The following STRADB variants were observed in gnomAD, a reference collection of about 807,000 sequenced individuals.
The protein encoded by STRADB is STE20 related adaptor beta, also known as STE20-related kinase adapter protein beta.
A neutral mutation model predicts 52.1 loss-of-function variants in STRADB; 34 were observed. The ratio of observed to expected loss-of-function variants is 0.65; its 90% CI spans 0.50 to 0.87. STRADB has a LOEUF of 0.87. Among genes scored for constraint, STRADB ranks in the 40% least tolerant of loss-of-function variants. The pLI, the probability that STRADB is intolerant of heterozygous loss-of-function variation, is 0.00. For synonymous variants in STRADB, 133 were observed against 174.5 expected, an observed-to-expected ratio of 0.76 and a Z score of 1.87; for missense variants, 340 against 483.9, an observed-to-expected ratio of 0.70 and a Z score of 2.79.
chr2:201,464,184 A>G (rs1031880955), intron 3 of STRADB, among the ~76,000 whole-genome samples: 3 of 152,222 alleles, frequency 2.0e-5, no homozygotes, highest in Non-Finnish European at 4.4e-5. Flanking sequence ...CGTATTTATC[A>G]TAGTCTTTGA....
chr2:201,457,749 G>A (rs1952148382), intron 2 of STRADB, among the ~76,000 whole-genome samples: 1 of 152,170 alleles, frequency 6.6e-6, no homozygotes, highest in African/African-American at 2.4e-5. Context: ...AATGGCTGTG[G>A]TGGCTCACGC....
chr2:201,464,390 T>C (rs1952265834), intron 3 of STRADB, among the ~76,000 whole-genome samples: 1 of 152,156 alleles, frequency 6.6e-6, no homozygotes, highest in African/African-American at 2.4e-5. Flanking sequence ...CTGAGAGAAT[T>C]ACCTGGATTA....
chr2:201,475,215 G>A (rs1437961574), intron 6 of STRADB, among the ~76,000 whole-genome samples: 2 of 151,906 alleles, frequency 1.3e-5, no homozygotes, highest in East Asian at 1.9e-4. Flanking sequence ...TTTTATTTGT[G>A]GTGTCCCCAG....
At chr2:201,454,178 G>C (rs1388175883) in intron 1 of STRADB, among the ~76,000 whole-genome samples, 1 of 152,180 alleles carries the variant, frequency 6.6e-6, no homozygotes, top group African/African-American at 2.4e-5. Context: ...CGTGGATGGT[G>C]CTTTTGTATC....
chr2:201,478,265 C>T, intron 9 of STRADB, 74 bp downstream of exon 9: 1 of 1,589,670 alleles, frequency 6.3e-7, no homozygotes, highest in Admixed American at 1.8e-5. Flanking sequence ...TTCTGTTAAA[C>T]ATGTTTGCTA....
At chr2:201,458,074 A>G (rs190708638) in intron 2 of STRADB, among the ~76,000 whole-genome samples, 219 of 152,318 alleles carry the variant, frequency 1.4e-3, no homozygotes, top group Non-Finnish European at 1.5e-3. Context: ...TCTTGTTATA[A>G]AAGCCTCTCA....
At chr2:201,460,915 T>G (rs1398981975) in intron 3 of STRADB, 2 of 155,740 alleles carry the variant, frequency 1.3e-5, no homozygotes, top group African/African-American at 4.8e-5. Context: ...GGTAGTTTTT[T>G]TTTTTTTTTT....
intron 2 of STRADB, among the ~76,000 whole-genome samples, 162 bp downstream of exon 2, chr2:201,455,014 T>A (rs903292741): frequency 6.6e-6 from 1 of 152,228 alleles, no homozygotes; most frequent in Non-Finnish European, 1.5e-5. Flanking sequence ...TACATTCTCA[T>A]TGAGTTTTTC....
intron 6 of STRADB, 115 bp from the exon 7 acceptor site, chr2:201,475,504 A>C (rs1952458269): frequency 2.4e-6 from 3 of 1,230,880 alleles, no homozygotes; most frequent in Non-Finnish European, 3.5e-6. Context: ...TGTTTGGGTT[A>C]GACTCCAAAA....
rs536962713 is a variant in STRADB at position 201,458,955 on chromosome 2, A to G, written c.93+91A>G. 3 of 1,100,096 alleles carry G rather than the reference A, an allele frequency of 2.7e-6. No homozygotes were observed. The South Asian group carries it at 4.1e-5, about 15-fold the overall frequency. 68.1% of individuals were successfully genotyped at this position (1,100,096 alleles called of 1,614,324 possible). ...GGCAGGAGAATCACTTGAGCCTAGG[A>G]GTTCGAGACCAGCCTGGGCAACATA... On this transcript the variant is annotated intron_variant, in intron 3 of 11. Transcript: ENST00000194530.
intron 2 of STRADB, among the ~76,000 whole-genome samples, chr2:201,457,890 G>C (rs1367452165): frequency 6.6e-6 from 1 of 152,128 alleles, no homozygotes; most frequent in Non-Finnish European, 1.5e-5. Flanking sequence ...GGGGCGTGGT[G>C]GCAGGTGCCT....
At position 201,479,515 on chromosome 2, in the gene STRADB, A is replaced by G; in HGVS notation, c.1097A>G (p.His366Arg). 1 of 1,603,212 alleles carries G rather than the reference A, an allele frequency of 6.2e-7. No individual in the cohort carries two copies. Among genetic ancestry groups the G allele is most frequent in the Non-Finnish European group, 8.5e-7 (1 of 1,177,694 alleles). Reference sequence around the variant, plus strand: ...CCATCAGCAAGCAGTTTATTGTCCCATGTTTTCTTCAAACAGGTGAGCTGA... The same window carrying G: ...CCATCAGCAAGCAGTTTATTGTCCCGTGTTTTCTTCAAACAGGTGAGCTGA... ...KRPSASSLLS[H>R]VFFKQMKEES... is the part of the protein sequence containing the mutation. The change falls in exon 11 of 12, where the codon CAT becomes CGT. Residue 366 changes from histidine to arginine, a missense_variant. His to Arg is a conservative substitution (Grantham distance 29). Transcript: ENST00000194530.
chr2:201,460,891 T>TC (rs1952204166), intron 3 of STRADB: 1 of 167,006 alleles, frequency 6.0e-6, no homozygotes, highest in African/African-American at 2.4e-5. Flanking sequence ...ATCAGTGGGA[T>TC]CGCTGGATCA....
chr2:201,472,762 C>G (rs919062606), intron 4 of STRADB, 193 bp from the exon 5 acceptor site: 1 of 427,612 alleles, frequency 2.3e-6, no homozygotes, highest in Admixed American at 4.2e-5. Flanking sequence ...TTGTGGATTG[C>G]CTGTTTAATC....
Position 201,451,793 on chromosome 2 carries a change from T to TCGCGGCCTCGCCGCCCTCC in STRADB, c.-236_-218dup, listed in dbSNP as rs1952044493. ...CAGAGTTCCAAGCCCACGGCCCCGGTCGCGGCCTCGCCGCCCTCCCGCGCC... is the reference window on the plus strand; with the variant it reads ...CAGAGTTCCAAGCCCACGGCCCCGGTCGCGGCCTCGCCGCCCTCCCGCGGCCTCGCCGCCCTCCCGCGCC... On this transcript the variant is annotated 5_prime_UTR_variant, in exon 1 of 12. Coordinates refer to ENST00000194530, the MANE Select transcript of STRADB (RefSeq NM_018571.6). 6.6e-6 allele frequency: 1 copy of TCGCGGCCTCGCCGCCCTCC among 151,592 alleles called. No homozygotes were observed. Among genetic ancestry groups the TCGCGGCCTCGCCGCCCTCC allele is most frequent in the African/African-American group, 2.4e-5 (1 of 41,218 alleles). 9.4% of individuals were successfully genotyped at this position (151,592 alleles called of 1,614,324 possible).
chr2:201,478,453 G>A lies in STRADB; in HGVS notation c.922G>A (p.Val308Ile), dbSNP rs1952515460. The A allele has an allele frequency of 6.2e-7, 1 of 1,613,938 alleles. No homozygotes were observed. The highest frequency in any genetic ancestry group is 8.5e-7 in the Non-Finnish European group (1 of 1,180,032). ...CAGAATGAAAAATTCCCAGTCAGGT[G>A]TAGACTCTGGGATTGGAGAAAGTGT... ...ESRMKNSQSG[V>I]DSGIGESVLV... Residue 308 changes from valine to isoleucine, a missense_variant, in exon 10 of 12, where the codon GTA (valine) becomes ATA (isoleucine). Physicochemically the swap from Val to Ile is conservative, Grantham distance 29. Transcript: ENST00000194530.
rs1469380826 is a variant in STRADB, at chr2:201,475,638, G to A, written c.444G>A (p.Leu148=). Residue 148 remains leucine, a synonymous_variant, in exon 7 of 12, where the codon TTG becomes TTA. Transcript: ENST00000194530. ...TTTCAGGTTCAGCAAGTCAACTCTT[G>A]AGGACCTATTTTCCTGAAGGAATGA... The part of the protein sequence containing the change: ...FMAYGSASQL[L]RTYFPEGMSE... 1.2e-6 allele frequency: 2 copies of A among 1,611,786 alleles called. No homozygotes were observed. Among genetic ancestry groups the A allele is most frequent in the Non-Finnish European group, 1.7e-6 (2 of 1,179,848 alleles).
In STRADB at chr2:201,463,637, G is replaced by C. The variant is rs1952252387; in HGVS notation, c.93+4773G>C. Among the ~76,000 whole-genome samples, 4 of 151,992 alleles carry C rather than the reference G, an allele frequency of 2.6e-5. No homozygotes were observed. The South Asian group carries it at 8.3e-4, about 32-fold the overall frequency. On this transcript the variant is annotated intron_variant, in intron 3 of 11. Transcript: ENST00000194530. ...CTTGGATATTGATATCTTTCTCTAGGCTTGGAAAGTTCTGTGTTATTATCC... is the reference window on the plus strand; with the variant it reads ...CTTGGATATTGATATCTTTCTCTAGCCTTGGAAAGTTCTGTGTTATTATCC...
At chr2:201,459,100 T>C (rs1045507516) in intron 3 of STRADB, among the ~76,000 whole-genome samples, 2 of 152,248 alleles carry the variant, frequency 1.3e-5, no homozygotes, top group African/African-American at 4.8e-5. Context: ...TCCTTTACTA[T>C]TTCTTCCTCC....
Sources: gnomAD v4.1 joint callset for allele counts (sites outside exome capture counted in the v4.1 genomes callset) on GRCh38, gnomAD v4.1.1 for gene constraint, MANE v1.5 for transcripts, NCBI Gene and HGNC (gene_info 2026-07-23, HGNC 2026-07-21) for gene names.